The following ENKUR variants were observed in gnomAD, a reference collection of about 807,000 sequenced individuals.
ENKUR encodes the protein enkurin, TRPC channel interacting protein.
ENKUR carries 19 observed loss-of-function variants against 27.6 expected under a neutral mutation model. The observed-to-expected ratio is 0.69, with a 90% CI of 0.48 to 1.01. ENKUR has a LOEUF of 1.01. Ranked by LOEUF, ENKUR falls within the 50% of genes least tolerant of loss-of-function variation. The probability of loss-of-function intolerance (pLI) is 0.00; values close to 1 mark genes in which losing one functional copy is unlikely to be tolerated. For missense variants in ENKUR, 312 were observed against 310.5 expected (o/e 1.00, Z -0.04); for synonymous variants, 117 against 96.9 (o/e 1.21, Z -1.22).
At position 24,982,936 on chromosome 10, in the gene ENKUR, T is replaced by C. The variant is rs543398039; in HGVS notation, c.*1434A>G. ...AACTCCCACTCATGACTTCAAAGCA[T>C]AATATCCATAAGGCTAAAGTAATCA... is the stretch of plus-strand genomic sequence containing the variant. On this transcript the variant is annotated 3_prime_UTR_variant, in exon 6 of 6. Coordinates refer to ENST00000331161, the MANE Select transcript of ENKUR (RefSeq NM_145010.4). The C allele has an allele frequency of 1.3e-5, 2 of 152,364 alleles. No individual in the cohort carries two copies. Among genetic ancestry groups the C allele is most frequent in the African/African-American group, 4.8e-5 (2 of 41,592 alleles). 9.4% of individuals were successfully genotyped at this position (152,364 alleles called of 1,614,324 possible).
At chr10:25,047,018 T>G (rs1200621252) in intron 2 of ENKUR, among the ~76,000 whole-genome samples, 1 of 152,220 alleles carries the variant, frequency 6.6e-6, no homozygotes, top group East Asian at 1.9e-4. Flanking sequence ...ACTCTTACTT[T>G]GCTTTTCACC....
At chr10:25,033,825 G>GCCTA (rs1850965197) in intron 2 of ENKUR, among the ~76,000 whole-genome samples, 1 of 148,620 alleles carries the variant, frequency 6.7e-6, no homozygotes, top group Non-Finnish European at 1.5e-5. Context: ...GTGTGTGTGT[G>GCCTA]TCTATCTATC....
chr10:25,057,443 G>T (rs966400623), intron 2 of ENKUR, among the ~76,000 whole-genome samples: 1 of 143,878 alleles, frequency 7.0e-6, no homozygotes, highest in Non-Finnish European at 1.5e-5. Flanking sequence ...CCCTTAAATC[G>T]CTCTTCAGTT....
upstream of ENKUR, among the ~76,000 whole-genome samples, chr10:25,018,514 A>G (rs904629488): frequency 6.6e-6 from 1 of 152,236 alleles, no homozygotes; most frequent in Non-Finnish European, 1.5e-5. Context: ...ATGTGAGCAC[A>G]TGAATGACTG....
At chr10:25,057,993 A>G (rs1338393261) in intron 2 of ENKUR, among the ~76,000 whole-genome samples, 1 of 152,094 alleles carries the variant, frequency 6.6e-6, no homozygotes, top group Non-Finnish European at 1.5e-5. Context: ...ACATCACAAA[A>G]GCCTCTCTTC....
intron 2 of ENKUR, among the ~76,000 whole-genome samples, chr10:25,032,808 G>A (rs1850952460): frequency 6.6e-6 from 1 of 152,058 alleles, no homozygotes; most frequent in African/African-American, 2.4e-5. Flanking sequence ...CTTTTTCATG[G>A]ATTTACTGCC....
chr10:24,981,994 G>A lies in ENKUR; in HGVS notation c.*2376C>T, dbSNP rs927349230. The A allele has an allele frequency of 2.6e-5, 4 of 152,158 alleles. No homozygotes were observed. The East Asian group carries it at 5.8e-4, about 22-fold the overall frequency. 9.4% of individuals were successfully genotyped at this position (152,158 alleles called of 1,614,324 possible). A position where few individuals can be genotyped will look rare whatever the true frequency, so the allele number is the denominator to read the frequency against. On this transcript the variant is annotated 3_prime_UTR_variant, in exon 6 of 6. Transcript: ENST00000331161. ...ATCATTAAAATACATGTTTGGGTACGATCCATTACTTTATTCATTAAGGAT... is the reference window on the plus strand; with the variant it reads ...ATCATTAAAATACATGTTTGGGTACAATCCATTACTTTATTCATTAAGGAT...
At chr10:25,028,823 T>G (rs1475554602) in intron 2 of ENKUR, among the ~76,000 whole-genome samples, 1 of 152,230 alleles carries the variant, frequency 6.6e-6, no homozygotes, top group African/African-American at 2.4e-5. Context: ...TTAGATTCGC[T>G]TTCTTCCTCC....
Position 25,015,961 on chromosome 10 carries a change from CT to C in ENKUR, c.-26del. On this transcript the variant is annotated 5_prime_UTR_variant, in exon 1 of 6. Transcript: ENST00000331161. ...TGGCCACCAAATGACTCCTTAAAAG[CT>C]ACTCTCCACAACTTTTTTCTCCCTG... The C allele has an allele frequency of 6.3e-7, 1 of 1,595,968 alleles. No individual in the cohort carries two copies. The highest frequency in any genetic ancestry group is 1.1e-5 in the South Asian group (1 of 87,354).
intron 2 of ENKUR, among the ~76,000 whole-genome samples, chr10:25,027,405 C>T (rs1227737600): frequency 5.3e-5 from 7 of 132,286 alleles, no homozygotes; most frequent in African/African-American, 1.9e-4. Flanking sequence ...GGCATGGTGG[C>T]GCATGCCTGT....
chr10:25,001,484 T>C (rs533857297), intron 1 of ENKUR, among the ~76,000 whole-genome samples: 1 of 152,176 alleles, frequency 6.6e-6, no homozygotes, highest in South Asian at 2.1e-4. Flanking sequence ...TCCTCATCCG[T>C]TTTCTCCTCT....
chr10:25,024,701 A>G lies in ENKUR; in HGVS notation c.38-28832T>C, dbSNP rs148668289. On this transcript the variant is annotated intron_variant, in intron 2 of 5. Coordinates refer to the ENKUR transcript ENST00000615958. ...TCCGCATATCTTGATCTTGTTAGTC[A>G]AGGATTTATTTCTTTTGGAAGCCCA... 1.2e-6 allele frequency: 2 copies of G among 1,614,122 alleles called. No individual in the cohort carries two copies. Among genetic ancestry groups the G allele is most frequent in the African/African-American group, 2.7e-5 (2 of 74,950 alleles).
Position 25,015,868 on chromosome 10 carries a change from C to T in ENKUR, c.69G>A (p.Gln23=), listed in dbSNP as rs1453737089. Residue 23 remains glutamine, a synonymous_variant, in exon 1 of 6, where the codon CAG becomes CAA. Transcript: ENST00000331161. ...TTTGCTTATCCACATACCTAGGAGG[C>T]TGGGGAGGCTCCTTCAAGTCACTGG... is the stretch of plus-strand genomic sequence containing the variant. ...LIPSDLKEPP[Q]PPRYISIFKA... 1.2e-6 allele frequency: 2 copies of T among 1,605,268 alleles called. No homozygotes were observed. Among genetic ancestry groups the T allele is most frequent in the African/African-American group, 1.3e-5 (1 of 74,748 alleles).
upstream of ENKUR, among the ~76,000 whole-genome samples, chr10:25,018,341 G>A (rs1347582523): frequency 6.6e-6 from 1 of 152,194 alleles, no homozygotes; most frequent in Non-Finnish European, 1.5e-5. Context: ...TCCACCGCAT[G>A]TCCACAGGGA....
At chr10:25,053,096 A>G (rs1162631151) in intron 2 of ENKUR, among the ~76,000 whole-genome samples, 1 of 150,754 alleles carries the variant, frequency 6.6e-6, no homozygotes, top group African/African-American at 2.4e-5. Flanking sequence ...AAAAAAAAGG[A>G]CTGGAGGAAA....
intron 1 of ENKUR, among the ~76,000 whole-genome samples, chr10:25,003,560 G>A (rs1030099187): frequency 6.6e-6 from 1 of 152,106 alleles, no homozygotes; most frequent in Admixed American, 6.6e-5. Context: ...TTAATATAGT[G>A]TGATATCTTA....
rs954944155 is a variant in ENKUR, at chr10:24,998,277, T to C, written c.223+1124A>G. On this transcript the variant is annotated intron_variant, in intron 2 of 5. Transcript: ENST00000331161. The stretch of plus-strand genomic sequence containing the variant: ...TGAAGAGACAGACTCGTTTCTTTTT[T>C]CTTTTCTTTTCTTTTCTTCTCTTCT... Among the ~76,000 whole-genome samples, 5 of 151,292 alleles carry C rather than the reference T, an allele frequency of 3.3e-5. No homozygotes were observed. The East Asian group carries it at 7.9e-4, about 24-fold the overall frequency.
Position 25,015,885 on chromosome 10 carries a change from A to G in ENKUR, c.52T>C (p.Leu18=). 1 of 1,606,308 alleles carries G rather than the reference A, an allele frequency of 6.2e-7. No individual in the cohort carries two copies. The highest frequency in any genetic ancestry group is 8.5e-7 in the Non-Finnish European group (1 of 1,176,158). Residue 18 remains leucine (L), a synonymous_variant, in exon 1 of 6, where the codon TTG becomes CTG. Transcript: ENST00000331161. ...ECIYNLIPSD[L]KEPPQPPRYI... is the part of the protein sequence containing the mutation. Reference sequence around the variant, plus strand: ...CTAGGAGGCTGGGGAGGCTCCTTCAAGTCACTGGGTATGAGGTTATAAATG... The same window carrying G: ...CTAGGAGGCTGGGGAGGCTCCTTCAGGTCACTGGGTATGAGGTTATAAATG...
chr10:25,029,740 C>T (rs925340134), intron 2 of ENKUR, among the ~76,000 whole-genome samples: 2 of 152,138 alleles, frequency 1.3e-5, no homozygotes, highest in African/African-American at 4.8e-5. Context: ...AACAAACAGT[C>T]TCCTTCAAAA....
Sources: gnomAD v4.1 joint callset for allele counts (sites outside exome capture counted in the v4.1 genomes callset) on GRCh38, gnomAD v4.1.1 for gene constraint, MANE v1.5 for transcripts, NCBI Gene and HGNC (gene_info 2026-07-23, HGNC 2026-07-21) for gene names.